Variants in NXPE2 observed in about 807,000 individuals in gnomAD.
NXPE2 encodes NXPE family member 2.
Under a neutral mutation model 34.4 loss-of-function variants are expected in NXPE2, and 34 were observed. That is an observed-to-expected ratio of 0.99 (90% CI 0.75 to 1.31). The LOEUF (loss-of-function observed/expected upper bound fraction) is 1.31. Ranked by LOEUF, NXPE2 falls within the 40% of genes most tolerant of loss-of-function variation. The pLI is 0.00. For missense variants in NXPE2, 649 were observed against 672.5 expected, an observed-to-expected ratio of 0.97 and a Z score of 0.39; for synonymous variants, 235 against 231.3, an observed-to-expected ratio of 1.02 and a Z score of -0.15.
intron 2 of NXPE2, among the ~76,000 whole-genome samples, chr11:114,693,789 C>G (rs772160855): frequency 6.6e-6 from 1 of 152,134 alleles, no homozygotes; most frequent in African/African-American, 2.4e-5. Flanking sequence ...AAACCCTGAG[C>G]TAACATAGAT....
At chr11:114,522,786 A>G in the NXPE2 span, 1 of 921,302 alleles carries the variant, frequency 1.1e-6, no homozygotes, top group South Asian at 1.6e-5. Context: ...ATGAAGTAAA[A>G]AACAAAATAG....
chr11:114,595,182 G>A, the NXPE2 span, among the ~76,000 whole-genome samples: 1 of 152,102 alleles, frequency 6.6e-6, no homozygotes, highest in Non-Finnish European at 1.5e-5. Context: ...TACAGTGCCT[G>A]TTGAATGCAA....
At chr11:114,711,728 A>AT (rs997859677), downstream of NXPE2, among the ~76,000 whole-genome samples, 1 of 152,152 alleles carries the variant, frequency 6.6e-6, no homozygotes, top group Non-Finnish European at 1.5e-5. Flanking sequence ...ACCCAGTGGC[A>AT]TTTTTTGTAG....
At chr11:114,555,969 C>T in the NXPE2 span, among the ~76,000 whole-genome samples, 55 of 152,138 alleles carry the variant, frequency 3.6e-4, 3 homozygotes, top group Admixed American at 3.6e-3. Flanking sequence ...TCTGAATATT[C>T]ATATATGGTT....
At chr11:114,756,773 A>G in the NXPE2 span, among the ~76,000 whole-genome samples, 1 of 152,306 alleles carries the variant, frequency 6.6e-6, no homozygotes, top group East Asian at 1.9e-4. Context: ...CATAAAGTGA[A>G]GGGTTAGGTG....
At chr11:114,582,420 A>T in the NXPE2 span, 1 of 1,614,202 alleles carries the variant, frequency 6.2e-7, no homozygotes, top group Non-Finnish European at 8.5e-7. Flanking sequence ...TCTGTTGTCC[A>T]GGTACTGGCA....
chr11:114,551,214 A>C, the NXPE2 span: 10 of 1,501,926 alleles, frequency 6.7e-6, no homozygotes, highest in African/African-American at 1.4e-5. Context: ...CGAATGTCCT[A>C]GGAGAGATGA....
chr11:114,725,976 A>AAAAT, the NXPE2 span, among the ~76,000 whole-genome samples: 438 of 101,760 alleles, frequency 4.3e-3, 12 homozygotes, highest in Middle Eastern at 0.037. Context: ...ATAAAAAAAA[A>AAAAT]ATATATATAT....
chr11:114,595,092 A>G, the NXPE2 span, among the ~76,000 whole-genome samples: 1 of 152,168 alleles, frequency 6.6e-6, no homozygotes, highest in Non-Finnish European at 1.5e-5. Flanking sequence ...GTCACCTATC[A>G]GGTTCCCTGT....
At chr11:114,485,505 C>T in the NXPE2 span, among the ~76,000 whole-genome samples, 1 of 148,356 alleles carries the variant, frequency 6.7e-6, no homozygotes, top group Non-Finnish European at 1.5e-5. Context: ...GTTGGGATTA[C>T]AGGCGTGAAC....
At chr11:114,725,293 G>C in the NXPE2 span, among the ~76,000 whole-genome samples, 2 of 152,074 alleles carry the variant, frequency 1.3e-5, no homozygotes, top group African/African-American at 4.8e-5. Flanking sequence ...TATAGTTGCT[G>C]CCTTGACATC....
the NXPE2 span, among the ~76,000 whole-genome samples, chr11:114,633,424 C>T: frequency 2.8e-5 from 4 of 143,408 alleles, no homozygotes; most frequent in African/African-American, 1.0e-4. Flanking sequence ...ATGTTATATA[C>T]AATATAGTAT....
the NXPE2 span, among the ~76,000 whole-genome samples, chr11:114,732,636 GTCCTTGGACTT>G: frequency 1.3e-5 from 2 of 151,978 alleles, no homozygotes; most frequent in African/African-American, 4.8e-5. Context: ...TCATTGTTCA[GTCCTTGGACTT>G]TAAACAATTT....
At chr11:114,812,773 G>C in the NXPE2 span, among the ~76,000 whole-genome samples, 1 of 152,172 alleles carries the variant, frequency 6.6e-6, no homozygotes. Flanking sequence ...GGTGTTGCTG[G>C]GAATGGAGTG....
At chr11:114,575,291 A>G in the NXPE2 span, among the ~76,000 whole-genome samples, 1 of 152,134 alleles carries the variant, frequency 6.6e-6, no homozygotes, top group Non-Finnish European at 1.5e-5. Flanking sequence ...CAAGACAAGA[A>G]TGCCCATTCT....
chr11:114,695,218 G>T (rs946481010), intron 2 of NXPE2, among the ~76,000 whole-genome samples: 1 of 152,154 alleles, frequency 6.6e-6, no homozygotes, highest in Non-Finnish European at 1.5e-5. Context: ...TTTAAGTAGG[G>T]TCTGAGGCTT....
chr11:114,533,875 C>A, the NXPE2 span, among the ~76,000 whole-genome samples: 1 of 152,188 alleles, frequency 6.6e-6, no homozygotes. Context: ...CACAGACAAA[C>A]AAAAGACAGC....
the NXPE2 span, among the ~76,000 whole-genome samples, chr11:114,727,784 C>CACACACACACACACACACACAA: frequency 1.4e-5 from 1 of 72,070 alleles, no homozygotes; most frequent in Non-Finnish European, 3.3e-5. Flanking sequence ...AACACACACA[C>CACACACACACACACACACACAA]ACACACACAC....
At chr11:114,755,861 T>G in the NXPE2 span, among the ~76,000 whole-genome samples, 1 of 152,164 alleles carries the variant, frequency 6.6e-6, no homozygotes, top group African/African-American at 2.4e-5. Context: ...TTAGTTGAAA[T>G]GAAGAATACT....
Sources: gnomAD v4.1 joint callset for allele counts (sites outside exome capture counted in the v4.1 genomes callset) on GRCh38, gnomAD v4.1.1 for gene constraint, MANE v1.5 for transcripts, NCBI Gene and HGNC (gene_info 2026-07-23, HGNC 2026-07-21) for gene names.